Variants in BRD9 observed in about 807,000 individuals in gnomAD.
The protein encoded by BRD9 is bromodomain containing 9, also known as bromodomain-containing protein 9.
A neutral mutation model predicts 68.7 loss-of-function variants in BRD9; 47 were observed. The ratio of observed to expected loss-of-function variants is 0.68; its 90% confidence interval spans 0.54 to 0.87. The LOEUF (loss-of-function observed/expected upper bound fraction) is 0.87, where lower values mean the gene tolerates loss of function less well. Ranked by LOEUF, BRD9 falls within the 40% of genes least tolerant of loss-of-function variation. The pLI is 0.00. For synonymous variants in BRD9, 313 were observed against 293.9 expected, an observed-to-expected ratio of 1.06 and a Z score of -0.67; for missense variants, 670 against 748.4, an observed-to-expected ratio of 0.90 and a Z score of 1.22.
chr5:868,211 C>T (rs1007693216), intron 14 of BRD9, among the ~76,000 whole-genome samples: 1 of 152,200 alleles, frequency 6.6e-6, no homozygotes. Context: ...TGGAAGTTTC[C>T]TGATGCCTCC....
intron 11 of BRD9, among the ~76,000 whole-genome samples, chr5:878,127 A>C (rs1487113030): frequency 1.3e-5 from 2 of 152,148 alleles, no homozygotes; most frequent in Non-Finnish European, 2.9e-5. Context: ...CAACCCCTTC[A>C]CAAGCTACGC....
In BRD9 at chr5:864,313, G is replaced by C. The variant is rs1749022411; in HGVS notation, c.*155C>G. ...AGGGTTCGTGGGGCTTGGAGACTCT[G>C]CTGACATGATACCACAGACAATTCA... On this transcript the variant is annotated 3_prime_UTR_variant, in exon 16 of 16. Transcript: ENST00000467963. 1.7e-6 allele frequency: 1 copy of C among 587,832 alleles called. No homozygotes were observed. 36.4% of individuals were successfully genotyped at this position (587,832 alleles called of 1,614,324 possible).
rs1474558233 is a variant in BRD9, at chr5:892,770, G to A, written c.-113C>T. On this transcript the variant is annotated 5_prime_UTR_variant, in exon 1 of 16. Coordinates refer to ENST00000467963, the MANE Select transcript of BRD9 (RefSeq NM_023924.5). ...TGGCCGCCCGCGCTCGCTGCGCCGAGGTTGCCGAGCTCGCTGGGCCGCGCC... is the reference window on the plus strand; with the variant it reads ...TGGCCGCCCGCGCTCGCTGCGCCGAAGTTGCCGAGCTCGCTGGGCCGCGCC... The A allele has an allele frequency of 1.8e-6, 2 of 1,125,982 alleles. No homozygotes were observed. The highest frequency in any genetic ancestry group is 3.3e-5 in the African/African-American group (2 of 61,382). 69.7% of individuals were successfully genotyped at this position (1,125,982 alleles called of 1,614,324 possible). A position where few individuals can be genotyped will look rare whatever the true frequency, so the allele number is the denominator to read the frequency against.
chr5:864,641 A>C (rs1233666743), intron 15 of BRD9, 73 bp from the exon 16 acceptor site: 1 of 1,394,454 alleles, frequency 7.2e-7, no homozygotes, highest in Non-Finnish European at 1.0e-6. Context: ...CTGGAGCCCA[A>C]GGTCTGCTTC....
intron 3 of BRD9, among the ~76,000 whole-genome samples, chr5:890,814 C>CA (rs1052160944): frequency 4.6e-5 from 7 of 152,108 alleles, no homozygotes; most frequent in Non-Finnish European, 7.4e-5. Flanking sequence ...AAAGGCCAGA[C>CA]AAAAAACAGT....
chr5:878,033 G>T (rs372346945), intron 11 of BRD9, among the ~76,000 whole-genome samples: 113 of 152,306 alleles, frequency 7.4e-4, no homozygotes, highest in African/African-American at 2.6e-3. Flanking sequence ...ACCCCAGTCT[G>T]TGGTGCTTTG....
At chr5:890,846 C>T (rs533975917) in intron 3 of BRD9, among the ~76,000 whole-genome samples, 1 of 152,308 alleles carries the variant, frequency 6.6e-6, no homozygotes, top group African/African-American at 2.4e-5. Flanking sequence ...GGGTCACATA[C>T]GATTGGTCTC....
chr5:873,927 G>A (rs560899217), intron 12 of BRD9, among the ~76,000 whole-genome samples: 5 of 152,304 alleles, frequency 3.3e-5, no homozygotes, highest in African/African-American at 1.2e-4. Context: ...TTAGCATTAA[G>A]GCTACACGAA....
intron 1 of BRD9, chr5:892,404 G>C: frequency 1.6e-6 from 2 of 1,232,970 alleles, no homozygotes; most frequent in Non-Finnish European, 1.1e-6. Context: ...CCCTCTACCA[G>C]GAACGTAAGC....
Position 864,393 on chromosome 5 carries a change from G to C in BRD9, c.*75C>G. On this transcript the variant is annotated 3_prime_UTR_variant, in exon 16 of 16. Coordinates refer to ENST00000467963, the MANE Select transcript of BRD9 (RefSeq NM_023924.5). ...CAAAGGGGACAGGATCAAAGTCCTT[G>C]TCTGATGACAAAAACTCTACACGTG... 1 of 1,283,446 alleles carries C rather than the reference G, an allele frequency of 7.8e-7. No homozygotes were observed. Among genetic ancestry groups the C allele is most frequent in the Non-Finnish European group, 1.1e-6 (1 of 924,614 alleles). 79.5% of individuals were successfully genotyped at this position (1,283,446 alleles called of 1,614,324 possible).
At chr5:877,809 T>C (rs1258938576) in intron 11 of BRD9, among the ~76,000 whole-genome samples, 2 of 152,148 alleles carry the variant, frequency 1.3e-5, no homozygotes, top group African/African-American at 4.8e-5. Flanking sequence ...TGCAGTGACA[T>C]GAGGCCATTA....
At chr5:869,507 C>T (rs77624098) in intron 14 of BRD9, 159 of 374,648 alleles carry the variant, frequency 4.2e-4, no homozygotes, top group African/African-American at 3.2e-3. Flanking sequence ...GAATCTCCTG[C>T]CCCTTCCAAG....
At chr5:891,498 C>A in intron 2 of BRD9, 142 bp downstream of exon 2, 1 of 1,375,522 alleles carries the variant, frequency 7.3e-7, no homozygotes, top group Non-Finnish European at 9.6e-7. Context: ...GTCTGCGGGC[C>A]TCAGCGGTTC....
At position 884,663 on chromosome 5, in the gene BRD9, C is replaced by G. The variant is rs529209675; in HGVS notation, c.834-593G>C. Among the ~76,000 whole-genome samples, 4 of 152,396 alleles carry G rather than the reference C, an allele frequency of 2.6e-5. No individual in the cohort carries two copies. In the East Asian group the frequency reaches 7.7e-4, roughly 29 times the overall value. On this transcript the variant is annotated intron_variant, in intron 7 of 15. Coordinates refer to ENST00000467963, the MANE Select transcript of BRD9 (RefSeq NM_023924.5). ...AAGGTTCTAGAAGCAAGCGAGTGGG[C>G]TCCTTCCCACCCTGGGCACTTGCCT... is the stretch of plus-strand genomic sequence containing the variant.
intron 12 of BRD9, among the ~76,000 whole-genome samples, chr5:875,294 C>A (rs974825175): frequency 6.6e-6 from 1 of 151,608 alleles, no homozygotes; most frequent in Non-Finnish European, 1.5e-5. Context: ...CAGGTCAGAT[C>A]TGGCCGAAAA....
rs1251812188 is a variant in BRD9 at position 868,072 on chromosome 5, TTC to T, written c.1525+2399_1525+2400del. The stretch of plus-strand genomic sequence containing the variant: ...ATGGGGATGGATTTCCCCCTTGCTG[TTC>T]TCTGTTCTCATGATAGTGAGTGACT... On this transcript the variant is annotated intron_variant, in intron 14 of 15. Coordinates refer to ENST00000467963, the MANE Select transcript of BRD9 (RefSeq NM_023924.5). Among the ~76,000 whole-genome samples, 6 of 152,256 alleles carry T rather than the reference TTC, an allele frequency of 3.9e-5. 1 individual carries two copies. Among genetic ancestry groups the T allele is most frequent in the African/African-American group, 1.4e-4 (6 of 41,546 alleles).
At chr5:891,906 G>C in intron 1 of BRD9, 52 bp from the exon 2 acceptor site, 2 of 1,544,494 alleles carry the variant, frequency 1.3e-6, no homozygotes, top group Non-Finnish European at 1.7e-6. Flanking sequence ...CAAACGCCAC[G>C]CAGCCAGGTG....
chr5:889,005 A>G lies in BRD9; in HGVS notation c.606+16T>C, dbSNP rs771926099. On this transcript the variant is annotated intron_variant, in intron 5 of 15. Transcript: ENST00000467963. ...GAACTATGCCACGATTACTTCGGGC[A>G]ATGAAAGTAACTTACCTTAAATTCC... 1.9e-6 allele frequency: 3 copies of G among 1,602,028 alleles called. No individual in the cohort carries two copies. The highest frequency in any genetic ancestry group is 1.7e-5 in the Admixed American group (1 of 57,254).
intron 3 of BRD9, among the ~76,000 whole-genome samples, chr5:890,571 G>C (rs765587933): frequency 6.6e-6 from 1 of 152,200 alleles, no homozygotes; most frequent in Non-Finnish European, 1.5e-5. Context: ...GCCCACGACA[G>C]AGATTCTACT....
Sources: gnomAD v4.1 joint callset for allele counts (sites outside exome capture counted in the v4.1 genomes callset) on GRCh38, gnomAD v4.1.1 for gene constraint, MANE v1.5 for transcripts, NCBI Gene and HGNC (gene_info 2026-07-23, HGNC 2026-07-21) for gene names.